Variants in ST7 observed in about 807,000 individuals in gnomAD.
The protein encoded by ST7 is suppression of tumorigenicity 7, also known as suppressor of tumorigenicity 7 protein.
Under a neutral mutation model 78.7 loss-of-function variants are expected in ST7, and 28 were observed. That is an observed-to-expected ratio of 0.36 (90% CI 0.26 to 0.49). The LOEUF (loss-of-function observed/expected upper bound fraction) is 0.49. ST7 is among the 20% of genes least tolerant of loss of function. The pLI, the probability that ST7 is intolerant of heterozygous loss-of-function variation, is 0.99. For missense variants in ST7, 418 were observed against 696.0 expected (o/e 0.60, Z 4.49); for synonymous variants, 247 against 249.6 (o/e 0.99, Z 0.10).
chr7:117,173,502 C>T (rs1233998289), intron 10 of ST7: 1 of 152,262 alleles, frequency 6.6e-6, no homozygotes, highest in Non-Finnish European at 1.5e-5. Flanking sequence ...TCAAGTTTAT[C>T]CCTGCTGCTT....
At chr7:117,017,706 G>A (rs1180748197) in intron 1 of ST7, among the ~76,000 whole-genome samples, 1 of 151,932 alleles carries the variant, frequency 6.6e-6, no homozygotes, top group Non-Finnish European at 1.5e-5. Flanking sequence ...ATTTTCTTTA[G>A]ACAACATATT....
At chr7:116,999,004 T>TA (rs1414242641) in intron 1 of ST7, among the ~76,000 whole-genome samples, 3 of 152,228 alleles carry the variant, frequency 2.0e-5, no homozygotes, top group South Asian at 2.1e-4. Context: ...GCTAGGCATT[T>TA]TGCATGATAA....
chr7:117,052,359 AT>A (rs970126343), intron 1 of ST7, among the ~76,000 whole-genome samples: 8 of 151,412 alleles, frequency 5.3e-5, no homozygotes, highest in Admixed American at 3.3e-4. Context: ...CTTTCAGCTG[AT>A]TTTTTTTTCT....
intron 3 of ST7, among the ~76,000 whole-genome samples, chr7:117,126,710 T>C (rs1466133842): frequency 6.6e-6 from 1 of 151,714 alleles, no homozygotes; most frequent in Non-Finnish European, 1.5e-5. Context: ...AAGGTTTTAG[T>C]AGGGAATAGT....
At chr7:117,066,836 T>G (rs1798663287) in intron 1 of ST7, among the ~76,000 whole-genome samples, 1 of 150,136 alleles carries the variant, frequency 6.7e-6, no homozygotes, top group South Asian at 2.2e-4. Flanking sequence ...GCAACCATCA[T>G]CACTATCTAA....
At chr7:117,118,855 T>A (rs1584712610) in intron 2 of ST7, among the ~76,000 whole-genome samples, 1 of 152,340 alleles carries the variant, frequency 6.6e-6, no homozygotes, top group Non-Finnish European at 1.5e-5. Flanking sequence ...GTTCTTTCAT[T>A]ACTGAAAGTT....
chr7:117,043,273 G>A (rs1797325060), intron 1 of ST7, among the ~76,000 whole-genome samples: 1 of 152,170 alleles, frequency 6.6e-6, no homozygotes, highest in Admixed American at 6.5e-5. Flanking sequence ...CCCAGTGGAG[G>A]AATAAAGATG....
intron 1 of ST7, among the ~76,000 whole-genome samples, chr7:117,089,566 G>GTTTTTTT (rs1222476861): frequency 1.3e-5 from 2 of 148,386 alleles, no homozygotes; most frequent in African/African-American, 2.5e-5. Context: ...TTTGTTTTTT[G>GTTTTTTT]TTTTTTTGTT....
chr7:117,099,059 A>AAAAAT (rs1801353556), intron 1 of ST7, among the ~76,000 whole-genome samples: 1 of 144,164 alleles, frequency 6.9e-6, no homozygotes, highest in Non-Finnish European at 1.5e-5. Context: ...AAAAAAAAAA[A>AAAAAT]AAAAAACAAA....
chr7:117,164,913 G>A (rs186842146), intron 9 of ST7, among the ~76,000 whole-genome samples: 2 of 152,186 alleles, frequency 1.3e-5, no homozygotes, highest in East Asian at 1.9e-4. Flanking sequence ...TGATCTCCAC[G>A]GACTCTTCTG....
intron 5 of ST7, 196 bp downstream of exon 5, chr7:117,130,802 C>T: frequency 2.3e-6 from 1 of 428,492 alleles, no homozygotes; most frequent in Non-Finnish European, 4.1e-6. Flanking sequence ...AAATGAGTCC[C>T]CTCATAATAA....
At chr7:117,097,908 A>ATATATATATATATATATAATT in intron 1 of ST7, among the ~76,000 whole-genome samples, 1 of 30,020 alleles carries the variant, frequency 3.3e-5, no homozygotes, top group South Asian at 1.9e-3. Flanking sequence ...ATATATATAT[A>ATATATATATATATATATAATT]TTTTTTTTTT....
At chr7:117,012,608 C>T (rs1795433421) in intron 1 of ST7, among the ~76,000 whole-genome samples, 1 of 150,860 alleles carries the variant, frequency 6.6e-6, no homozygotes, top group Admixed American at 6.6e-5. Flanking sequence ...AACCAAGGCT[C>T]AGAGAGGTTT....
At chr7:117,014,902 G>T in intron 1 of ST7, 1 of 1,046,494 alleles carries the variant, frequency 9.6e-7, no homozygotes, top group South Asian at 3.9e-5. Flanking sequence ...CATGGCAGGA[G>T]GCTTCCCCAG....
At chr7:117,121,143 A>G (rs960643174) in intron 3 of ST7, among the ~76,000 whole-genome samples, 1 of 152,222 alleles carries the variant, frequency 6.6e-6, no homozygotes, top group Non-Finnish European at 1.5e-5. Context: ...AATCTGTGGG[A>G]TATTCACAGC....
At chr7:117,042,665 A>T (rs7810247) in intron 1 of ST7, among the ~76,000 whole-genome samples, 1,751 of 152,042 alleles carry the variant, frequency 0.012, 15 homozygotes, top group Non-Finnish European at 0.016. Flanking sequence ...GACATTTTAA[A>T]TTTTCATGTA....
intron 12 of ST7, among the ~76,000 whole-genome samples, chr7:117,201,647 C>A (rs1037897483): frequency 6.6e-6 from 1 of 151,960 alleles, no homozygotes; most frequent in African/African-American, 2.4e-5. Context: ...CAGCCTCGAC[C>A]TCCCAAGCTC....
intron 1 of ST7, among the ~76,000 whole-genome samples, chr7:116,989,396 T>C (rs905846211): frequency 4.6e-5 from 7 of 152,212 alleles, no homozygotes; most frequent in African/African-American, 9.6e-5. Context: ...TCAATCTTCA[T>C]TGAGGTATCA....
At chr7:117,076,239 A>T (rs1304814358) in intron 1 of ST7, among the ~76,000 whole-genome samples, 2 of 152,240 alleles carry the variant, frequency 1.3e-5, no homozygotes, top group Non-Finnish European at 2.9e-5. Context: ...GTAACAATTT[A>T]AAAAATAGAT....
Sources: gnomAD v4.1 joint callset for allele counts (sites outside exome capture counted in the v4.1 genomes callset) on GRCh38, gnomAD v4.1.1 for gene constraint, MANE v1.5 for transcripts, NCBI Gene and HGNC (gene_info 2026-07-23, HGNC 2026-07-21) for gene names.